Variants in ZNF519 observed in about 807,000 individuals in gnomAD.
ZNF519 encodes the protein zinc finger protein 519.
In ZNF519, 7 loss-of-function variants were observed where a neutral mutation model predicts 7.4. The ratio of observed to expected loss-of-function variants is 0.94; its 90% CI spans 0.54 to 1.77. ZNF519 has a LOEUF of 1.77. Among genes scored for constraint, ZNF519 ranks in the 40% most tolerant of loss-of-function variants. ZNF519 has a pLI of 0.00. For missense variants in ZNF519, 586 were observed against 623.1 expected, an observed-to-expected ratio of 0.94 and a Z score of 0.63; for synonymous variants, 179 against 203.3, an observed-to-expected ratio of 0.88 and a Z score of 1.02.
chr18:14,118,396 G>A lies in ZNF519; in HGVS notation c.130+5954C>T, dbSNP rs1238961939. Among the ~76,000 whole-genome samples the A allele has an allele frequency of 2.0e-5, 3 of 152,208 alleles. No individual in the cohort carries two copies. The East Asian group carries it at 5.8e-4, about 29-fold the overall frequency. ...CTTTAGCCTCAAATGAAAATATCTT[G>A]TCAGATGCTACAATAAGAATAAATC... On this transcript the variant is annotated intron_variant, in intron 2 of 2. Transcript: ENST00000590202.
rs1284483650 is a variant in ZNF519, at chr18:14,105,135, A to T, written c.1405T>A (p.Phe469Ile). ...TGAGTAAGGTGTGAGCCCCAGATAA[A>T]AGCTTTGCCACATTCTTCACATTTG... is the stretch of plus-strand genomic sequence containing the variant. ...SFKCEECGKAFIWGSHLTQHQ... is the reference protein window; with the variant it reads ...SFKCEECGKAIIWGSHLTQHQ... Residue 469 changes from phenylalanine (F) to isoleucine (I), a missense_variant, in exon 3 of 3, where the codon TTT (phenylalanine) becomes ATT (isoleucine). Transcript: ENST00000590202. 1.9e-6 allele frequency: 3 copies of T among 1,613,664 alleles called. No homozygotes were observed. In the African/African-American group the frequency reaches 4.0e-5, roughly 22 times the overall value.
downstream of ZNF519, among the ~76,000 whole-genome samples, chr18:14,096,289 GTC>G (rs371561099): frequency 6.6e-6 from 1 of 152,168 alleles, no homozygotes; most frequent in African/African-American, 2.4e-5. Context: ...CCACTTCACT[GTC>G]TCTATTATTG....
rs1478709740 is a variant in ZNF519 at position 14,101,845 on chromosome 18, G to A, written c.*3072C>T. Reference sequence around the variant, plus strand: ...CTTGGCTGACCTGGCCTCTTCTGTCGAGTCTTTCCATTCCCCAAATCAGGC... The same window carrying A: ...CTTGGCTGACCTGGCCTCTTCTGTCAAGTCTTTCCATTCCCCAAATCAGGC... On this transcript the variant is annotated 3_prime_UTR_variant, in exon 3 of 3. Coordinates refer to ENST00000590202, the MANE Select transcript of ZNF519 (RefSeq NM_145287.4). 7.5e-6 allele frequency: 3 copies of A among 397,718 alleles called. No homozygotes were observed. Among genetic ancestry groups the A allele is most frequent in the Non-Finnish European group, 8.9e-6 (2 of 225,854 alleles). The allele number at this position is 397,718 out of a possible 1,614,324, so 24.6% of individuals were successfully genotyped here. A position where few individuals can be genotyped will look rare whatever the true frequency, so the allele number is the denominator to read the frequency against.
downstream of ZNF519, chr18:14,073,242 A>ATTTATTTATTTATT (rs1555628622): frequency 3.4e-5 from 5 of 146,508 alleles, no homozygotes; most frequent in Non-Finnish European, 6.0e-5. Context: ...TTTTATTTTT[A>ATTTATTTATTTATT]TATTTATTTA....
intron 2 of ZNF519, among the ~76,000 whole-genome samples, chr18:14,086,863 A>C (rs1413710952): frequency 6.6e-6 from 1 of 152,152 alleles, no homozygotes; most frequent in African/African-American, 2.4e-5. Flanking sequence ...AATCAATCAA[A>C]CAGAAAAAAG....
intron 2 of ZNF519, among the ~76,000 whole-genome samples, chr18:14,107,229 G>C (rs1252708890): frequency 6.6e-6 from 1 of 152,158 alleles, no homozygotes; most frequent in Admixed American, 6.5e-5. Flanking sequence ...AGAGTAAACA[G>C]GACTTTGTCT....
At chr18:14,122,121 C>G (rs899496963) in intron 2 of ZNF519, 1 of 152,058 alleles carries the variant, frequency 6.6e-6, no homozygotes, top group Non-Finnish European at 1.5e-5. Flanking sequence ...CAATGTGACC[C>G]GGGGAAGCCA....
At chr18:14,080,779 A>G (rs2046068111) in intron 3 of ZNF519, among the ~76,000 whole-genome samples, 1 of 152,222 alleles carries the variant, frequency 6.6e-6, no homozygotes, top group Admixed American at 6.5e-5. Flanking sequence ...GAAGCAGTCA[A>G]GATGCTGTTC....
At chr18:14,130,554 A>C (rs529234368) in intron 1 of ZNF519, among the ~76,000 whole-genome samples, 4 of 152,200 alleles carry the variant, frequency 2.6e-5, no homozygotes, top group African/African-American at 9.6e-5. Flanking sequence ...TCAAGTGTCA[A>C]ATCAGGCCAC....
intron 2 of ZNF519, among the ~76,000 whole-genome samples, chr18:14,094,721 T>C (rs778578375): frequency 4.6e-5 from 7 of 152,202 alleles, no homozygotes; most frequent in South Asian, 2.1e-4. Context: ...CTCGCAGAGA[T>C]TGGCCTATAG....
chr18:14,083,577 A>C (rs913970080), intron 3 of ZNF519, among the ~76,000 whole-genome samples: 1 of 152,114 alleles, frequency 6.6e-6, no homozygotes, highest in Non-Finnish European at 1.5e-5. Context: ...TTTCTCGATG[A>C]TATCAATTTT....
intron 2 of ZNF519, among the ~76,000 whole-genome samples, chr18:14,094,107 A>G (rs2046124693): frequency 1.3e-5 from 2 of 152,160 alleles, no homozygotes; most frequent in Admixed American, 1.3e-4. Flanking sequence ...AAGTCCTCAA[A>G]TATCAAGTGG....
In ZNF519 at chr18:14,104,851, C is replaced by G. The variant is rs2046179640; in HGVS notation, c.*66G>C. 2 of 1,430,070 alleles carry G rather than the reference C, an allele frequency of 1.4e-6. No individual in the cohort carries two copies. The highest frequency in any genetic ancestry group is 9.3e-7 in the Non-Finnish European group (1 of 1,079,050). The allele number at this position is 1,430,070 out of a possible 1,614,324, so 88.6% of individuals were successfully genotyped here. A position where few individuals can be genotyped will look rare whatever the true frequency, so the allele number is the denominator to read the frequency against. On this transcript the variant is annotated 3_prime_UTR_variant, in exon 3 of 3. Transcript: ENST00000590202. Reference sequence around the variant, plus strand: ...GGGATTTCTATCCAGTATTGATTTTCTAATGTTGAGTAAGGTGTGAGCACC... The same window carrying G: ...GGGATTTCTATCCAGTATTGATTTTGTAATGTTGAGTAAGGTGTGAGCACC...
chr18:14,120,727 A>AT (rs2046266106), intron 2 of ZNF519, among the ~76,000 whole-genome samples: 1 of 152,064 alleles, frequency 6.6e-6, no homozygotes, highest in Admixed American at 6.5e-5. Flanking sequence ...ACAAAAGATT[A>AT]TTTTTCCCCA....
At chr18:14,110,722 T>C (rs975351756) in intron 2 of ZNF519, among the ~76,000 whole-genome samples, 10 of 152,166 alleles carry the variant, frequency 6.6e-5, no homozygotes, top group Admixed American at 6.5e-4. Flanking sequence ...TGGGAACACT[T>C]AACAAATAAA....
Position 14,083,441 on chromosome 18 carries a change from G to A in ZNF519, c.*177+1436C>T, listed in dbSNP as rs561546154. ...GTCACTCCATGAACAAGGTTTCCAC[G>A]GGATGGATATTCTGTCAATGATTTA... On this transcript the variant is annotated intron_variant and NMD_transcript_variant, in intron 3 of 4. Coordinates refer to the ZNF519 transcript ENST00000587419. 6.6e-5 allele frequency among the ~76,000 whole-genome samples: 10 copies of A among 152,260 alleles called. No individual in the cohort carries two copies. In the East Asian group the frequency reaches 1.9e-3, roughly 29 times the overall value.
At chr18:14,094,730 AGTTT>A (rs1202585925) in intron 2 of ZNF519, among the ~76,000 whole-genome samples, 1 of 151,996 alleles carries the variant, frequency 6.6e-6, no homozygotes, top group Non-Finnish European at 1.5e-5. Flanking sequence ...ATTGGCCTAT[AGTTT>A]TTTTGTTTCT....
At chr18:14,120,800 A>G (rs923114892) in intron 2 of ZNF519, among the ~76,000 whole-genome samples, 7 of 152,162 alleles carry the variant, frequency 4.6e-5, no homozygotes, top group African/African-American at 1.7e-4. Context: ...TGATACAGTC[A>G]TCATAAAAAC....
intron 1 of ZNF519, among the ~76,000 whole-genome samples, chr18:14,125,457 G>A (rs1446951198): frequency 6.6e-6 from 1 of 152,094 alleles, no homozygotes; most frequent in Non-Finnish European, 1.5e-5. Context: ...CACTTCCCAG[G>A]ATTTAAATGC....
Sources: allele counts gnomAD v4.1 joint callset (sites outside exome capture counted in the v4.1 genomes callset), GRCh38; gene constraint gnomAD v4.1.1; transcripts MANE v1.5; gene names NCBI Gene and HGNC (gene_info 2026-07-23, HGNC 2026-07-21).